Variants in ASTN2 observed in about 807,000 individuals in gnomAD.
ASTN2 encodes astrotactin-2.
ASTN2 carries 54 observed loss-of-function variants against 139.8 expected under a neutral mutation model. That is an observed-to-expected ratio of 0.39 (90% CI 0.31 to 0.48). The LOEUF (loss-of-function observed/expected upper bound fraction) is 0.48, where lower values mean the gene tolerates loss of function less well. Among genes scored for constraint, ASTN2 ranks in the 20% least tolerant of loss-of-function variants. ASTN2 has a pLI of 0.95. For missense variants in ASTN2, 1,565 were observed against 1,725.1 expected (o/e 0.91, Z 1.64); for synonymous variants, 756 against 719.5 (o/e 1.05, Z -0.81).
chr9:117,126,751 A>C lies in ASTN2; in HGVS notation c.1168+14575T>G, dbSNP rs1339976471. Among the ~76,000 whole-genome samples, 3 of 152,180 alleles carry C rather than the reference A, an allele frequency of 2.0e-5. No homozygotes were observed. The East Asian group carries it at 5.8e-4, about 29-fold the overall frequency. ...TCCAGTGAACGTTTAATAATCTGTA[A>C]TTATTATACTTGAATGCTTGAGTGA... is the stretch of plus-strand genomic sequence containing the variant. On this transcript the variant is annotated intron_variant, in intron 4 of 22. Coordinates refer to ENST00000313400, the MANE Select transcript of ASTN2 (RefSeq NM_001365068.1).
chr9:116,887,192 C>A (rs545775747), intron 10 of ASTN2, among the ~76,000 whole-genome samples: 5 of 152,020 alleles, frequency 3.3e-5, no homozygotes, highest in African/African-American at 9.6e-5. Context: ...ACTTACATGG[C>A]AAATTCAACA....
At chr9:116,548,639 A>C (rs10120021) in intron 19 of ASTN2, among the ~76,000 whole-genome samples, 1 of 151,952 alleles carries the variant, frequency 6.6e-6, no homozygotes, top group African/African-American at 2.4e-5. Context: ...TGCTCGGCTA[A>C]TTTTTGGTAC....
chr9:116,549,229 G>T (rs563087255), intron 19 of ASTN2, among the ~76,000 whole-genome samples: 6 of 146,294 alleles, frequency 4.1e-5, no homozygotes, highest in African/African-American at 1.5e-4. Context: ...AAAGAAAGAA[G>T]GAAATGCAAA....
At chr9:116,434,152 T>TA (rs1458990645) in intron 22 of ASTN2, among the ~76,000 whole-genome samples, 2 of 152,278 alleles carry the variant, frequency 1.3e-5, no homozygotes, top group East Asian at 3.9e-4. Flanking sequence ...AATTATAAGA[T>TA]ATACCCATGC....
chr9:117,237,195 C>G (rs1253511256), intron 2 of ASTN2, among the ~76,000 whole-genome samples: 2 of 151,972 alleles, frequency 1.3e-5, no homozygotes, highest in African/African-American at 4.8e-5. Flanking sequence ...CGTTCAATGA[C>G]AAAAAACGCA....
At chr9:117,302,585 AG>A (rs1395529937) in intron 1 of ASTN2, among the ~76,000 whole-genome samples, 10 of 152,152 alleles carry the variant, frequency 6.6e-5, no homozygotes, top group African/African-American at 2.4e-4. Context: ...TCTGTTTCTA[AG>A]TCTGACTTGT....
At chr9:117,358,075 C>T (rs370134534) in intron 1 of ASTN2, among the ~76,000 whole-genome samples, 6 of 152,162 alleles carry the variant, frequency 3.9e-5, no homozygotes, top group South Asian at 4.2e-4. Context: ...TCCCAGACCC[C>T]GATATGGTAA....
intron 5 of ASTN2, among the ~76,000 whole-genome samples, chr9:117,042,644 T>C (rs899868011): frequency 2.0e-5 from 3 of 151,772 alleles, no homozygotes; most frequent in Non-Finnish European, 4.4e-5. Context: ...TATTTATAAA[T>C]ATAAATAGAT....
intron 16 of ASTN2, among the ~76,000 whole-genome samples, chr9:116,692,930 C>T (rs1225630044): frequency 3.3e-5 from 5 of 152,066 alleles, no homozygotes; most frequent in Admixed American, 2.6e-4. Context: ...ATTTTCTGGG[C>T]AAGACAAGTT....
At chr9:116,615,566 T>C (rs1266769086) in intron 19 of ASTN2, among the ~76,000 whole-genome samples, 3 of 152,120 alleles carry the variant, frequency 2.0e-5, no homozygotes, top group Non-Finnish European at 2.9e-5. Flanking sequence ...TGAGTTCATG[T>C]CCTTTGTAGG....
chr9:116,922,566 A>G lies in ASTN2; in HGVS notation c.1889+52642T>C, dbSNP rs190411512. ...ATTGTTGCATTGTTTGTAATAGTAA[A>G]AACATGTGATAATGTAAAAGTCCAT... On this transcript the variant is annotated intron_variant, in intron 10 of 22. Coordinates refer to ENST00000313400, the MANE Select transcript of ASTN2 (RefSeq NM_001365068.1). Among the ~76,000 whole-genome samples, 59 of 152,358 alleles carry G rather than the reference A, an allele frequency of 3.9e-4. 1 individual carries two copies. Among genetic ancestry groups the G allele is most frequent in the Admixed American group, 3.9e-3 (59 of 15,312 alleles).
chr9:116,528,457 T>G (rs1564344434), intron 19 of ASTN2, among the ~76,000 whole-genome samples: 1 of 152,182 alleles, frequency 6.6e-6, no homozygotes. Context: ...GGTCTGAAAT[T>G]GGAACTTATG....
chr9:117,266,178 G>A (rs909732682), intron 2 of ASTN2, among the ~76,000 whole-genome samples: 6 of 152,114 alleles, frequency 3.9e-5, no homozygotes, highest in African/African-American at 1.4e-4. Flanking sequence ...AAGGATTCAA[G>A]CTGCTCTAAA....
chr9:117,120,563 G>A (rs1829532548), intron 4 of ASTN2, among the ~76,000 whole-genome samples: 2 of 152,130 alleles, frequency 1.3e-5, no homozygotes, highest in Non-Finnish European at 2.9e-5. Context: ...GGGGACCAAG[G>A]GGTTCCAGGT....
intron 20 of ASTN2, among the ~76,000 whole-genome samples, chr9:116,446,097 G>A (rs1363366973): frequency 3.3e-5 from 5 of 152,004 alleles, no homozygotes; most frequent in African/African-American, 1.2e-4. Flanking sequence ...TGATATGAAG[G>A]AGAGAGGGAG....
rs10983158 is a variant in ASTN2, at chr9:116,445,694, C to T, written c.3498-3141G>A. Among the ~76,000 whole-genome samples, 15 of 152,156 alleles carry T rather than the reference C, an allele frequency of 9.9e-5. 1 individual carries two copies. Among genetic ancestry groups the T allele is most frequent in the Admixed American group, 3.3e-4 (5 of 15,270 alleles). On this transcript the variant is annotated intron_variant, in intron 20 of 22. Transcript: ENST00000313400. ...CTGAATATTCTTTGGGAAGTCACTT[C>T]GCCTGCTTTGAGCCTCAGTCTCCTC...
chr9:116,620,624 T>A (rs916843668), intron 17 of ASTN2, among the ~76,000 whole-genome samples, 181 bp from the exon 18 acceptor site: 2 of 152,024 alleles, frequency 1.3e-5, no homozygotes, highest in Non-Finnish European at 2.9e-5. Flanking sequence ...TCCTGAGCCA[T>A]CCCCTCCCCA....
chr9:117,101,343 T>C (rs1171726572), intron 4 of ASTN2, among the ~76,000 whole-genome samples: 1 of 152,176 alleles, frequency 6.6e-6, no homozygotes, highest in Non-Finnish European at 1.5e-5. Context: ...ATAAAATTGG[T>C]GATTTAGTGC....
At chr9:117,266,474 G>A (rs555201648) in intron 2 of ASTN2, among the ~76,000 whole-genome samples, 2 of 152,226 alleles carry the variant, frequency 1.3e-5, no homozygotes, top group South Asian at 4.1e-4. Context: ...AGAGTTAAAA[G>A]AGCCACCATC....
Sources: allele counts gnomAD v4.1 joint callset (sites outside exome capture counted in the v4.1 genomes callset), GRCh38; gene constraint gnomAD v4.1.1; transcripts MANE v1.5; gene names NCBI Gene and HGNC (gene_info 2026-07-23, HGNC 2026-07-21).